WDR25: variants seen among roughly 807,000 people sequenced by gnomAD.
WDR25 encodes WD repeat domain 25.
In WDR25, 35 loss-of-function variants were observed where a neutral mutation model predicts 47.7. The observed-to-expected ratio is 0.73, with a 90% CI of 0.56 to 0.97. The LOEUF (loss-of-function observed/expected upper bound fraction) is 0.97, where lower values mean the gene tolerates loss of function less well. Among genes scored for constraint, WDR25 ranks in the 50% least tolerant of loss-of-function variants. The pLI is 0.00. For missense variants in WDR25, 634 were observed against 704.7 expected, an observed-to-expected ratio of 0.90 and a Z score of 1.14; for synonymous variants, 248 against 278.9, an observed-to-expected ratio of 0.89 and a Z score of 1.10.
At chr14:100,509,388 G>A (rs952691932) in intron 4 of WDR25, among the ~76,000 whole-genome samples, 3 of 151,842 alleles carry the variant, frequency 2.0e-5, no homozygotes, top group African/African-American at 7.3e-5. Context: ...TTTTTTAATG[G>A]CTGGGGTGTC....
intron 2 of WDR25, among the ~76,000 whole-genome samples, chr14:100,385,002 A>G (rs780613211): frequency 1.1e-4 from 17 of 152,210 alleles, no homozygotes; most frequent in African/African-American, 1.2e-4. Flanking sequence ...AAACGATATT[A>G]GTTGTGAATC....
At chr14:100,484,815 A>AGATG (rs1900328622) in intron 4 of WDR25, among the ~76,000 whole-genome samples, 1 of 152,082 alleles carries the variant, frequency 6.6e-6, no homozygotes, top group Non-Finnish European at 1.5e-5. Context: ...TAGCTCTGCT[A>AGATG]TTGTCTCTCG....
chr14:100,427,657 T>G (rs1265428335), intron 2 of WDR25, among the ~76,000 whole-genome samples: 1 of 152,218 alleles, frequency 6.6e-6, no homozygotes, highest in Non-Finnish European at 1.5e-5. Flanking sequence ...ATTAAGCTGG[T>G]TGTATCACTT....
rs1028922119 is a variant in WDR25 at position 100,430,301 on chromosome 14, C to T, written c.823-37720C>T. ...GTCAGAGTCACCTCCGGACCTCCTG[C>T]TTCCTGATCTCCTCAGCCCTTTGGG... On this transcript the variant is annotated intron_variant, in intron 2 of 6. Coordinates refer to ENST00000402312, the MANE Select transcript of WDR25 (RefSeq NM_001161476.3). The surrounding 1 kb of genome is among the most constrained non-coding windows in gnomAD (Gnocchi z 4.7). Among the ~76,000 whole-genome samples, 1 of 152,130 alleles carries T rather than the reference C, an allele frequency of 6.6e-6. No homozygotes were observed. Among genetic ancestry groups the T allele is most frequent in the Non-Finnish European group, 1.5e-5 (1 of 68,020 alleles).
chr14:100,431,549 CTT>C (rs777753335), intron 2 of WDR25, among the ~76,000 whole-genome samples: 28 of 139,218 alleles, frequency 2.0e-4, no homozygotes, highest in Admixed American at 2.2e-4. Context: ...TTGGTAATTT[CTT>C]TTTTTTTTTT....
chr14:100,489,622 G>C (rs1306849011), intron 4 of WDR25, among the ~76,000 whole-genome samples: 5 of 152,156 alleles, frequency 3.3e-5, no homozygotes, highest in Non-Finnish European at 2.9e-5. Flanking sequence ...ACTGGAAATT[G>C]GAGCAGCCCT....
chr14:100,460,270 G>A (rs1334241737), intron 2 of WDR25, among the ~76,000 whole-genome samples: 3 of 151,624 alleles, frequency 2.0e-5, no homozygotes, highest in South Asian at 2.1e-4. Flanking sequence ...CCGCCACCAC[G>A]CCCTGCTAAT....
At chr14:100,459,907 T>TATAC (rs1566920253) in intron 2 of WDR25, among the ~76,000 whole-genome samples, 1 of 37,332 alleles carries the variant, frequency 2.7e-5, no homozygotes, top group East Asian at 1.6e-3. Context: ...TATATATATA[T>TATAC]ATATATATAT....
intron 3 of WDR25, among the ~76,000 whole-genome samples, chr14:100,481,922 C>T (rs1192462296): frequency 6.6e-6 from 1 of 152,134 alleles, no homozygotes; most frequent in Non-Finnish European, 1.5e-5. Context: ...CTCTTAAGGA[C>T]AATTTGCTTC....
In WDR25 at chr14:100,529,200, G is replaced by A; in HGVS notation, c.1405G>A (p.Gly469Arg). The change falls in exon 6 of 7, where the codon GGG becomes AGG. Residue 469 changes from glycine (G) to arginine (R), a missense_variant. Coordinates refer to ENST00000402312, the MANE Select transcript of WDR25 (RefSeq NM_001161476.3). The surrounding 1 kb of genome is among the most constrained non-coding windows in gnomAD (Gnocchi z 5.1). ...YRMSRRRRYE[G>R]HKVEGYSVGC... ...GATGAGCAGACGGCGGCGCTATGAAGGGCACAAGGTACTTCTGTCCTTGTC... is the reference window on the plus strand; with the variant it reads ...GATGAGCAGACGGCGGCGCTATGAAAGGCACAAGGTACTTCTGTCCTTGTC... 6.2e-7 allele frequency: 1 copy of A among 1,613,488 alleles called. No individual in the cohort carries two copies. The highest frequency in any genetic ancestry group is 8.5e-7 in the Non-Finnish European group (1 of 1,179,788).
intron 1 of WDR25, among the ~76,000 whole-genome samples, chr14:100,379,476 C>T (rs1434857839): frequency 3.3e-5 from 5 of 151,122 alleles, no homozygotes; most frequent in Non-Finnish European, 7.4e-5. Flanking sequence ...CAACCTCCAC[C>T]TCCCGGGTTC....
chr14:100,424,026 C>T lies in WDR25; in HGVS notation c.822+42280C>T, dbSNP rs958691480. Among the ~76,000 whole-genome samples the T allele has an allele frequency of 6.6e-6, 1 of 152,214 alleles. No individual in the cohort carries two copies. Among genetic ancestry groups the T allele is most frequent in the African/African-American group, 2.4e-5 (1 of 41,458 alleles). On this transcript the variant is annotated intron_variant, in intron 2 of 6. Transcript: ENST00000402312. The surrounding 1 kb of genome is among the most constrained non-coding windows in gnomAD (Gnocchi z 4.2). Reference sequence around the variant, plus strand: ...GCTGGTCCCAGGGAGGCAGATGACACGTGTTGCCCCTCAGAACAGTGGGGA... The same window carrying T: ...GCTGGTCCCAGGGAGGCAGATGACATGTGTTGCCCCTCAGAACAGTGGGGA...
chr14:100,443,964 T>C (rs1898748171), intron 2 of WDR25, among the ~76,000 whole-genome samples: 1 of 152,156 alleles, frequency 6.6e-6, no homozygotes. Context: ...GCTTAGGATC[T>C]TGAGGCTCAG....
chr14:100,517,803 C>T (rs1419297020), intron 4 of WDR25, among the ~76,000 whole-genome samples: 1 of 152,228 alleles, frequency 6.6e-6, no homozygotes, highest in Non-Finnish European at 1.5e-5. Flanking sequence ...GAGGTTGCAC[C>T]ACTGCACTGC....
intron 4 of WDR25, among the ~76,000 whole-genome samples, chr14:100,494,067 C>A (rs1900654089): frequency 6.6e-6 from 1 of 152,178 alleles, no homozygotes; most frequent in South Asian, 2.1e-4. Context: ...ATTTTTATTT[C>A]TTGTTTTTGG....
chr14:100,413,446 C>G (rs1267068265), intron 2 of WDR25, among the ~76,000 whole-genome samples: 2 of 150,552 alleles, frequency 1.3e-5, no homozygotes. Flanking sequence ...CGGAGTCTCG[C>G]TCTGTCGCCC....
chr14:100,505,827 A>G (rs1351976375), intron 4 of WDR25, among the ~76,000 whole-genome samples: 1 of 152,182 alleles, frequency 6.6e-6, no homozygotes, highest in Non-Finnish European at 1.5e-5. Context: ...TTGGATACTA[A>G]TGTGAGTGGA....
At position 100,468,529 on chromosome 14, in the gene WDR25, T is replaced by C. The variant is rs1225532495; in HGVS notation, c.970+361T>C. 6.6e-6 allele frequency among the ~76,000 whole-genome samples: 1 copy of C among 152,250 alleles called. No individual in the cohort carries two copies. The highest frequency in any genetic ancestry group is 1.5e-5 in the Non-Finnish European group (1 of 68,040). Reference sequence around the variant, plus strand: ...TTGGTTGGAATCAGGTTAGAATTCCTGTCAATTCATTATCGTTGAAAGTCT... The same window carrying C: ...TTGGTTGGAATCAGGTTAGAATTCCCGTCAATTCATTATCGTTGAAAGTCT... On this transcript the variant is annotated intron_variant, in intron 3 of 6. Coordinates refer to ENST00000402312, the MANE Select transcript of WDR25 (RefSeq NM_001161476.3). The surrounding 1 kb of genome is among the most constrained non-coding windows in gnomAD (Gnocchi z 4.5).
In WDR25 at chr14:100,412,060, T is replaced by C. The variant is rs1431157579; in HGVS notation, c.822+30314T>C. ...ATCTCTACAAAAAATAGAAAAAATTTGCCTGGTGTGGTTGTGGGCTCCTGT... is the reference window on the plus strand; with the variant it reads ...ATCTCTACAAAAAATAGAAAAAATTCGCCTGGTGTGGTTGTGGGCTCCTGT... On this transcript the variant is annotated intron_variant, in intron 2 of 6. Coordinates refer to ENST00000402312, the MANE Select transcript of WDR25 (RefSeq NM_001161476.3). Among the ~76,000 whole-genome samples the C allele has an allele frequency of 2.0e-5, 3 of 152,186 alleles. No homozygotes were observed. In the East Asian group the frequency reaches 5.8e-4, roughly 29 times the overall value.
Sources: gnomAD v4.1 joint callset for allele counts (sites outside exome capture counted in the v4.1 genomes callset) on GRCh38, gnomAD v4.1.1 for gene constraint, Gnocchi (gnomAD v3.1) non-coding constraint, MANE v1.5 for transcripts, NCBI Gene and HGNC (gene_info 2026-07-23, HGNC 2026-07-21) for gene names.